Variants in ASPH observed in about 807,000 individuals in gnomAD.
The protein encoded by ASPH is aspartyl/asparaginyl beta-hydroxylase.
Under a neutral mutation model 118.4 loss-of-function variants are expected in ASPH, and 100 were observed. That is an observed-to-expected ratio of 0.84 (90% confidence interval 0.72 to 1.00). The LOEUF is 1.00. Ranked by LOEUF, ASPH falls within the 50% of genes least tolerant of loss-of-function variation. The pLI is 0.00. For missense variants in ASPH, 920 were observed against 919.5 expected, an observed-to-expected ratio of 1.00 and a Z score of -0.01; for synonymous variants, 315 against 325.6, an observed-to-expected ratio of 0.97 and a Z score of 0.35.
Position 61,654,592 on chromosome 8 carries a change from T to C in ASPH, c.323-932A>G, listed in dbSNP as rs114900141. Among the ~76,000 whole-genome samples, 777 of 152,344 alleles carry C rather than the reference T, an allele frequency of 5.1e-3. 10 individuals carry two copies. Among genetic ancestry groups the C allele is most frequent in the African/African-American group, 0.018 (738 of 41,578 alleles). On this transcript the variant is annotated intron_variant, in intron 3 of 24. Coordinates refer to ENST00000379454, the MANE Select transcript of ASPH (RefSeq NM_004318.4). The stretch of plus-strand genomic sequence containing the variant: ...CACACTAATGTGGTCTGGAAAATTT[T>C]CATTTCGATGTATTACTCTTCTTTT...
At chr8:61,514,923 G>A (rs1810313052) in intron 24 of ASPH, among the ~76,000 whole-genome samples, 1 of 151,160 alleles carries the variant, frequency 6.6e-6, no homozygotes, top group Non-Finnish European at 1.5e-5. Context: ...GAATATAGAA[G>A]AGAAGGAGGA....
intron 2 of ASPH, 115 bp downstream of exon 2, chr8:61,683,924 C>CA: frequency 8.2e-7 from 1 of 1,223,284 alleles, no homozygotes; most frequent in South Asian, 1.5e-5. Context: ...TATTGAGAAC[C>CA]ACTGAAAGGC....
chr8:61,681,292 T>C (rs943472279), intron 2 of ASPH, among the ~76,000 whole-genome samples: 2 of 151,816 alleles, frequency 1.3e-5, no homozygotes, highest in Non-Finnish European at 3.0e-5. Context: ...TCTTTAAAGA[T>C]TGAACAACAT....
intron 24 of ASPH, among the ~76,000 whole-genome samples, chr8:61,506,647 A>G (rs1806693069): frequency 6.6e-6 from 1 of 152,220 alleles, no homozygotes; most frequent in African/African-American, 2.4e-5. Flanking sequence ...TGAGCTACTT[A>G]GCATAATTGA....
intron 21 of ASPH, among the ~76,000 whole-genome samples, chr8:61,545,973 C>T (rs1586847747): frequency 6.6e-6 from 1 of 152,200 alleles, no homozygotes; most frequent in African/African-American, 2.4e-5. Context: ...AAGCTGGCTG[C>T]CTCAGACTGT....
At chr8:61,627,151 G>C (rs1853262893) in intron 13 of ASPH, among the ~76,000 whole-genome samples, 2 of 151,958 alleles carry the variant, frequency 1.3e-5, no homozygotes, top group South Asian at 4.2e-4. Context: ...TCCCCAAAAA[G>C]ACATTACAAA....
At chr8:61,556,067 G>A (rs1827759961) in intron 18 of ASPH, 45 bp from the exon 19 acceptor site, 2 of 1,545,286 alleles carry the variant, frequency 1.3e-6, no homozygotes, top group South Asian at 1.2e-5. Context: ...GAAAACATAG[G>A]TGATTGCTTA....
At chr8:61,553,870 A>G (rs1563796651) in intron 19 of ASPH, among the ~76,000 whole-genome samples, 2 of 152,228 alleles carry the variant, frequency 1.3e-5, no homozygotes, top group African/African-American at 2.4e-5. Flanking sequence ...AAAAATCTGC[A>G]TCCTTGAGGC....
intron 15 of ASPH, among the ~76,000 whole-genome samples, chr8:61,577,774 T>C (rs967617710): frequency 6.6e-6 from 1 of 152,152 alleles, no homozygotes; most frequent in Admixed American, 6.5e-5. Context: ...GAGAACGGCA[T>C]GGGGGAAACT....
At chr8:61,654,967 C>T (rs1205095064) in intron 3 of ASPH, among the ~76,000 whole-genome samples, 2 of 152,138 alleles carry the variant, frequency 1.3e-5, no homozygotes, top group African/African-American at 2.4e-5. Flanking sequence ...TTAGGGCTGC[C>T]CTCCCTTTTA....
intron 1 of ASPH, among the ~76,000 whole-genome samples, chr8:61,705,175 A>G (rs13282536): frequency 0.17 from 26,462 of 152,124 alleles, 2,346 homozygotes; most frequent in Non-Finnish European, 0.18. Context: ...ATTAATATTT[A>G]TAAGTGGGAG....
chr8:61,559,394 T>C (rs1001554588), intron 18 of ASPH, among the ~76,000 whole-genome samples: 2 of 152,192 alleles, frequency 1.3e-5, no homozygotes, highest in Non-Finnish European at 2.9e-5. Flanking sequence ...GAGGTTAGCA[T>C]CCCTAACCCC....
At chr8:61,624,737 A>G in intron 13 of ASPH, 1 of 985,808 alleles carries the variant, frequency 1.0e-6, no homozygotes, top group Non-Finnish European at 1.2e-6. Context: ...AAAATCCAGC[A>G]AAACTTACTT....
At chr8:61,685,039 T>A (rs1014475234) in intron 1 of ASPH, among the ~76,000 whole-genome samples, 5 of 152,140 alleles carry the variant, frequency 3.3e-5, no homozygotes, top group African/African-American at 4.8e-5. Flanking sequence ...AAACAGATGA[T>A]GGAAGGCCAG....
intron 14 of ASPH, among the ~76,000 whole-genome samples, chr8:61,592,905 A>T (rs73265172): frequency 0.018 from 2,817 of 152,314 alleles, 88 homozygotes; most frequent in African/African-American, 0.065. Context: ...GGCAAAGGGT[A>T]AAAAAGAAGA....
intron 5 of ASPH, among the ~76,000 whole-genome samples, chr8:61,650,656 A>G (rs1810503049): frequency 6.6e-6 from 1 of 152,128 alleles, no homozygotes; most frequent in African/African-American, 2.4e-5. Context: ...AAGTGTCATC[A>G]TTTTTGTTGT....
At chr8:61,588,856 A>G (rs1840261646) in intron 14 of ASPH, among the ~76,000 whole-genome samples, 1 of 152,238 alleles carries the variant, frequency 6.6e-6, no homozygotes, top group Non-Finnish European at 1.5e-5. Flanking sequence ...AACAGCCCCA[A>G]CGTAGAGAAA....
At chr8:61,653,116 T>C (rs921514293) in intron 4 of ASPH, among the ~76,000 whole-genome samples, 3 of 152,160 alleles carry the variant, frequency 2.0e-5, no homozygotes, top group African/African-American at 2.4e-5. Context: ...ACAGGCTCCA[T>C]AGATGCCCAC....
rs1829447377 is a variant in ASPH, at chr8:61,684,113, A to G, written c.179T>C (p.Val60Ala). ...SGTSFFTWFM[V>A]IALLGVWTSV... Reference sequence around the variant, plus strand: ...TGTCCAGACGCCCAGCAATGCAATCACCATAAACCACGTGAAGAATGAAGT... The same window carrying G: ...TGTCCAGACGCCCAGCAATGCAATCGCCATAAACCACGTGAAGAATGAAGT... Residue 60 changes from valine (V) to alanine (A), a missense_variant, in exon 2 of 25, where the codon GTG (valine) becomes GCG (alanine). By Grantham distance (64) the Val-to-Ala change is moderately conservative (BLOSUM62 0). Coordinates refer to ENST00000379454, the MANE Select transcript of ASPH (RefSeq NM_004318.4). 2 of 1,613,786 alleles carry G rather than the reference A, an allele frequency of 1.2e-6. No individual in the cohort carries two copies. Among genetic ancestry groups the G allele is most frequent in the African/African-American group, 2.7e-5 (2 of 75,026 alleles).
Sources: gnomAD v4.1 joint callset for allele counts (sites outside exome capture counted in the v4.1 genomes callset) on GRCh38, gnomAD v4.1.1 for gene constraint, MANE v1.5 for transcripts, NCBI Gene and HGNC (gene_info 2026-07-23, HGNC 2026-07-21) for gene names.